PTPRN2: variants seen among roughly 807,000 people sequenced by gnomAD.
PTPRN2 encodes the protein receptor-type tyrosine-protein phosphatase N2.
Under a neutral mutation model 118.8 loss-of-function variants are expected in PTPRN2, and 74 were observed. That is an observed-to-expected ratio of 0.62 (90% CI 0.52 to 0.76). The LOEUF (loss-of-function observed/expected upper bound fraction) is 0.76, where lower values mean the gene tolerates loss of function less well. Ranked by LOEUF, PTPRN2 falls within the 30% of genes least tolerant of loss-of-function variation. PTPRN2 has a pLI of 0.00. For missense variants in PTPRN2, 1,481 were observed against 1,394.4 expected, an observed-to-expected ratio of 1.06 and a Z score of -0.99; for synonymous variants, 641 against 608.0, an observed-to-expected ratio of 1.05 and a Z score of -0.80.
chr7:158,503,862 G>A lies in PTPRN2; in HGVS notation c.113-14077C>T, dbSNP rs143578121. 8.9e-4 allele frequency among the ~76,000 whole-genome samples: 135 copies of A among 152,190 alleles called. 1 individual carries two copies. The South Asian group carries it at 0.021, about 23-fold the overall frequency. Reference sequence around the variant, plus strand: ...CTAAAAATACAAAAATTAGCCAGGCGTGGTGGTGTGTGCCTATAATCCCAG... The same window carrying A: ...CTAAAAATACAAAAATTAGCCAGGCATGGTGGTGTGTGCCTATAATCCCAG... On this transcript the variant is annotated intron_variant, in intron 1 of 22. Transcript: ENST00000389418.
At chr7:158,400,377 T>C (rs1812841803) in intron 2 of PTPRN2, among the ~76,000 whole-genome samples, 1 of 152,094 alleles carries the variant, frequency 6.6e-6, no homozygotes, top group South Asian at 2.1e-4. Flanking sequence ...TTTGTTTTGC[T>C]TTATTGCTCT....
At chr7:158,569,984 C>G (rs1198196884) in intron 1 of PTPRN2, among the ~76,000 whole-genome samples, 1 of 152,172 alleles carries the variant, frequency 6.6e-6, no homozygotes, top group Admixed American at 6.5e-5. Context: ...GTGCCGCTCG[C>G]AGACGGGGGA....
At chr7:158,164,163 C>A (rs1238845018) in intron 6 of PTPRN2, among the ~76,000 whole-genome samples, 1 of 152,186 alleles carries the variant, frequency 6.6e-6, no homozygotes, top group African/African-American at 2.4e-5. Context: ...AACGAGAAGG[C>A]GCCAAGGCAG....
intron 11 of PTPRN2, among the ~76,000 whole-genome samples, chr7:157,999,065 G>A (rs1440729251): frequency 2.0e-5 from 3 of 151,944 alleles, no homozygotes; most frequent in Non-Finnish European, 2.9e-5. Context: ...AGCGGCCGTA[G>A]GGGTCCGCCC....
chr7:158,172,721 C>T (rs1022067201), intron 5 of PTPRN2, among the ~76,000 whole-genome samples: 7 of 149,430 alleles, frequency 4.7e-5, no homozygotes, highest in Non-Finnish European at 8.9e-5. Flanking sequence ...AGGATCCCCA[C>T]CATCATCTTC....
intron 11 of PTPRN2, among the ~76,000 whole-genome samples, chr7:158,054,992 G>A (rs1809672949): frequency 6.6e-6 from 1 of 152,338 alleles, no homozygotes; most frequent in South Asian, 2.1e-4. Flanking sequence ...CAGAGCTGTG[G>A]GCGGTAAGCC....
At chr7:158,226,082 A>T (rs1219605238) in intron 3 of PTPRN2, among the ~76,000 whole-genome samples, 1 of 152,236 alleles carries the variant, frequency 6.6e-6, no homozygotes, top group African/African-American at 2.4e-5. Context: ...AAATTTAAAG[A>T]TACATAGCAG....
chr7:158,341,108 C>T (rs1400063236), intron 2 of PTPRN2, among the ~76,000 whole-genome samples: 12 of 15,898 alleles, frequency 7.5e-4, no homozygotes, highest in African/African-American at 1.9e-3. Context: ...GCAGACGTCA[C>T]TCACACCCAC....
chr7:158,410,730 G>A (rs1371408643), intron 2 of PTPRN2, among the ~76,000 whole-genome samples: 5 of 152,240 alleles, frequency 3.3e-5, no homozygotes, highest in Admixed American at 6.5e-5. Flanking sequence ...ACCTTGAGGT[G>A]AGATCATCTG....
intron 3 of PTPRN2, among the ~76,000 whole-genome samples, chr7:158,274,132 G>A (rs1454124429): frequency 9.1e-5 from 10 of 109,476 alleles, no homozygotes; most frequent in South Asian, 6.4e-4. Flanking sequence ...ACGGGGAGCC[G>A]CAGACACAGG....
intron 11 of PTPRN2, among the ~76,000 whole-genome samples, chr7:157,906,550 T>A (rs986863958): frequency 2.0e-5 from 3 of 152,072 alleles, no homozygotes; most frequent in African/African-American, 7.2e-5. Flanking sequence ...CCAGTGGTAA[T>A]AGGTATTCTA....
At chr7:158,461,421 G>A (rs945874046) in intron 2 of PTPRN2, among the ~76,000 whole-genome samples, 2 of 151,916 alleles carry the variant, frequency 1.3e-5, no homozygotes, top group East Asian at 1.9e-4. Flanking sequence ...GCATAAACCC[G>A]GGAGGCAGAG....
chr7:158,112,542 C>T (rs1342761742), intron 9 of PTPRN2, among the ~76,000 whole-genome samples: 1 of 152,130 alleles, frequency 6.6e-6, no homozygotes, highest in Non-Finnish European at 1.5e-5. Context: ...TGAGGCCATG[C>T]CGGTGGAGTC....
At chr7:158,408,716 G>A (rs1053095711) in intron 2 of PTPRN2, among the ~76,000 whole-genome samples, 33 of 152,296 alleles carry the variant, frequency 2.2e-4, no homozygotes, top group African/African-American at 4.1e-4. Flanking sequence ...ACCACCCTTC[G>A]TGACCGGACT....
At chr7:157,997,437 T>C (rs1804839953) in intron 11 of PTPRN2, among the ~76,000 whole-genome samples, 1 of 152,224 alleles carries the variant, frequency 6.6e-6, no homozygotes, top group Non-Finnish European at 1.5e-5. Flanking sequence ...TCCCCCTGGC[T>C]GGCGCCTGGA....
intron 2 of PTPRN2, among the ~76,000 whole-genome samples, chr7:158,469,940 G>A (rs779891403): frequency 6.6e-6 from 1 of 151,668 alleles, no homozygotes; most frequent in Non-Finnish European, 1.5e-5. Flanking sequence ...TGCCATAACA[G>A]GAGCTGGGAT....
At position 157,996,234 on chromosome 7, in the gene PTPRN2, G is replaced by A. The variant is rs577303658; in HGVS notation, c.1723+85064C>T. Among the ~76,000 whole-genome samples the A allele has an allele frequency of 9.8e-5, 15 of 152,296 alleles. No homozygotes were observed. The South Asian group carries it at 2.5e-3, about 25-fold the overall frequency. ...TTTAAGTGGGAGCCAAATTACATGC[G>A]TGCATGGATGTAGCACATGGGACAA... On this transcript the variant is annotated intron_variant, in intron 11 of 22. Transcript: ENST00000389418.
At chr7:158,193,445 G>A (rs756691380) in intron 4 of PTPRN2, among the ~76,000 whole-genome samples, 14 of 152,178 alleles carry the variant, frequency 9.2e-5, no homozygotes, top group South Asian at 4.1e-4. Flanking sequence ...TGGAAAAGTC[G>A]CGGTAACGCC....
intron 11 of PTPRN2, chr7:158,028,274 C>T (rs1401638436): frequency 6.6e-6 from 1 of 152,324 alleles, no homozygotes; most frequent in East Asian, 1.9e-4. Context: ...CGGCTGCGGC[C>T]AGCCAGAATG....
Sources: allele counts gnomAD v4.1 joint callset (sites outside exome capture counted in the v4.1 genomes callset), GRCh38; gene constraint gnomAD v4.1.1; transcripts MANE v1.5; gene names NCBI Gene and HGNC (gene_info 2026-07-23, HGNC 2026-07-21).